RIGI: variants seen among roughly 807,000 people sequenced by gnomAD.
RIGI encodes the protein antiviral innate immune response receptor RIG-I.
chr9:32,502,638 T>C, the RIGI span, among the ~76,000 whole-genome samples: 1 of 152,222 alleles, frequency 6.6e-6, no homozygotes, highest in Non-Finnish European at 1.5e-5. Flanking sequence ...GAGGCCAGAA[T>C]TGTGAATCAT....
At chr9:32,467,957 T>C in the RIGI span, 2 of 1,539,354 alleles carry the variant, frequency 1.3e-6, no homozygotes, top group South Asian at 2.5e-5. Context: ...GAGGGCATTA[T>C]ACAACTCACC....
the RIGI span, chr9:32,467,919 C>A: frequency 6.3e-7 from 1 of 1,592,208 alleles, no homozygotes; most frequent in Non-Finnish European, 8.6e-7. Flanking sequence ...ACTTCTGTGC[C>A]GGGAGGGTCA....
At chr9:32,515,647 C>T in the RIGI span, among the ~76,000 whole-genome samples, 3 of 152,282 alleles carry the variant, frequency 2.0e-5, no homozygotes, top group Admixed American at 2.0e-4. Flanking sequence ...TTCTCCACTT[C>T]CTTGCCCTCT....
the RIGI span, among the ~76,000 whole-genome samples, chr9:32,482,135 C>T: frequency 6.6e-6 from 1 of 152,062 alleles, no homozygotes; most frequent in Admixed American, 6.5e-5. Flanking sequence ...TTCTCCCTAC[C>T]TCTTGCCTTG....
chr9:32,463,067 G>A, the RIGI span, among the ~76,000 whole-genome samples: 1 of 152,008 alleles, frequency 6.6e-6, no homozygotes, highest in Admixed American at 6.6e-5. Context: ...TGAGATTGCA[G>A]TGAGCCAATA....
the RIGI span, among the ~76,000 whole-genome samples, chr9:32,466,113 T>G: frequency 6.6e-6 from 1 of 152,214 alleles, no homozygotes; most frequent in Non-Finnish European, 1.5e-5. Flanking sequence ...TTAGCACTAT[T>G]AAATATAATT....
chr9:32,465,895 A>G, the RIGI span, among the ~76,000 whole-genome samples: 8 of 152,254 alleles, frequency 5.3e-5, no homozygotes, highest in African/African-American at 1.7e-4. Context: ...CAAGGTGTAT[A>G]TCATTGTCCA....
the RIGI span, among the ~76,000 whole-genome samples, chr9:32,506,095 G>A: frequency 0.029 from 4,429 of 152,200 alleles, 181 homozygotes; most frequent in African/African-American, 0.087. Context: ...GCTTGCACCC[G>A]TAATCCCAGC....
At chr9:32,482,036 A>T in the RIGI span, among the ~76,000 whole-genome samples, 1 of 152,014 alleles carries the variant, frequency 6.6e-6, no homozygotes, top group Non-Finnish European at 1.5e-5. Flanking sequence ...AACTCATGTG[A>T]CTCCATCACC....
the RIGI span, among the ~76,000 whole-genome samples, chr9:32,496,440 C>G: frequency 6.6e-6 from 1 of 152,112 alleles, no homozygotes; most frequent in African/African-American, 2.4e-5. Context: ...ATCATCCAAT[C>G]CATTAAAGAC....
At chr9:32,470,409 A>G in the RIGI span, among the ~76,000 whole-genome samples, 1 of 152,368 alleles carries the variant, frequency 6.6e-6, no homozygotes, top group East Asian at 1.9e-4. Flanking sequence ...AGCCACAGAC[A>G]ATACATACAT....
chr9:32,457,231 T>C, the RIGI span: 178 of 1,613,972 alleles, frequency 1.1e-4, 2 homozygotes, highest in Non-Finnish European at 1.4e-4. Context: ...CACAAAACTT[T>C]CAATTTTTAT....
At chr9:32,462,404 CTTTTT>C in the RIGI span, among the ~76,000 whole-genome samples, 7 of 85,912 alleles carry the variant, frequency 8.1e-5, no homozygotes, top group African/African-American at 1.8e-4. Context: ...TTAGATCTAG[CTTTTT>C]TTTTTTTTTT....
chr9:32,489,594 C>A, the RIGI span: 3 of 438,424 alleles, frequency 6.8e-6, no homozygotes, highest in Middle Eastern at 3.1e-4. Flanking sequence ...TCTTGGTAAC[C>A]ATTCTAGCTT....
chr9:32,500,123 T>C, the RIGI span, among the ~76,000 whole-genome samples: 1 of 152,228 alleles, frequency 6.6e-6, no homozygotes, highest in Non-Finnish European at 1.5e-5. Flanking sequence ...TCAATGCCTG[T>C]AGCTTTCTAA....
At chr9:32,524,598 T>TTC in the RIGI span, among the ~76,000 whole-genome samples, 207 of 82,648 alleles carry the variant, frequency 2.5e-3, 10 homozygotes, top group South Asian at 8.9e-3. Context: ...GTTTTTCGGT[T>TTC]TTTTTTTTTT....
At chr9:32,473,525 T>C in the RIGI span, among the ~76,000 whole-genome samples, 3 of 151,976 alleles carry the variant, frequency 2.0e-5, no homozygotes, top group East Asian at 5.8e-4. Flanking sequence ...GACCTCGTGA[T>C]CCACCCACCT....
chr9:32,469,226 G>A, the RIGI span, among the ~76,000 whole-genome samples: 1 of 152,160 alleles, frequency 6.6e-6, no homozygotes, highest in Non-Finnish European at 1.5e-5. Flanking sequence ...CCACATCTGT[G>A]AGTGTGAGCT....
At chr9:32,485,479 T>C in the RIGI span, 1 of 652,000 alleles carries the variant, frequency 1.5e-6, no homozygotes, top group African/African-American at 1.8e-5. Context: ...TCCCTGTTGC[T>C]TCTTGTACTG....
Sources: gnomAD v4.1 joint callset for allele counts (sites outside exome capture counted in the v4.1 genomes callset) on GRCh38, gnomAD v4.1.1 for gene constraint, MANE v1.5 for transcripts, NCBI Gene and HGNC (gene_info 2026-07-23, HGNC 2026-07-21) for gene names.